NDST4: variants seen among roughly 807,000 people sequenced by gnomAD.
The protein encoded by NDST4 is N-deacetylase and N-sulfotransferase 4.
NDST4 carries 63 observed loss-of-function variants against 100.8 expected under a neutral mutation model. The ratio of observed to expected loss-of-function variants is 0.62; its 90% CI spans 0.51 to 0.77. The LOEUF (loss-of-function observed/expected upper bound fraction) is 0.77. NDST4 is among the 30% of genes least tolerant of loss of function. NDST4 has a pLI of 0.00. For missense variants in NDST4, 943 were observed against 1,018.4 expected (o/e 0.93, Z 1.01); for synonymous variants, 377 against 361.8 (o/e 1.04, Z -0.48).
rs1346628721 is a variant in NDST4, at chr4:115,077,026, A to G, written c.11T>C (p.Ile4Thr). The change falls in exon 2 of 14, where the codon ATT (isoleucine) becomes ACT (threonine). Residue 4 changes from isoleucine (I) to threonine (T), a missense_variant. Around this residue, in one of 2 missense-constraint regions of NDST4, gnomAD observed 417 missense variants for 384.2 expected, o/e 1.09. Coordinates refer to ENST00000264363, the MANE Select transcript of NDST4 (RefSeq NM_022569.3). The part of the protein sequence containing the change: MNL[I>T]VKLRRSFRTL... ...TCGAAAACTTCTCCGAAGTTTCACAATAAGATTCATTTTTTAGAATAATGT... is the reference window on the plus strand; with the variant it reads ...TCGAAAACTTCTCCGAAGTTTCACAGTAAGATTCATTTTTTAGAATAATGT... 4 of 1,594,596 alleles carry G rather than the reference A, an allele frequency of 2.5e-6. No homozygotes were observed. Among genetic ancestry groups the G allele is most frequent in the South Asian group, 1.1e-5 (1 of 87,730 alleles).
intron 1 of NDST4, among the ~76,000 whole-genome samples, chr4:115,077,980 C>T (rs1339214324): frequency 6.6e-6 from 1 of 152,104 alleles, no homozygotes; most frequent in African/African-American, 2.4e-5. Context: ...CCTAATTTTG[C>T]CTACTCTTGT....
intron 4 of NDST4, among the ~76,000 whole-genome samples, chr4:114,940,478 T>C (rs956607668): frequency 1.3e-5 from 2 of 152,206 alleles, no homozygotes; most frequent in African/African-American, 2.4e-5. Context: ...ATGGTTCCCT[T>C]GGGTTTGCTA....
chr4:114,954,981 G>A (rs1277536150), intron 4 of NDST4, among the ~76,000 whole-genome samples: 5 of 152,076 alleles, frequency 3.3e-5, no homozygotes, highest in Non-Finnish European at 7.3e-5. Context: ...AGCTTCCTGG[G>A]ACCTCTCCAG....
intron 2 of NDST4, among the ~76,000 whole-genome samples, chr4:115,001,654 T>C (rs1400684491): frequency 6.6e-6 from 1 of 151,954 alleles, no homozygotes; most frequent in Non-Finnish European, 1.5e-5. Flanking sequence ...TATATTATAA[T>C]GTAATTTAGA....
At chr4:114,850,457 C>T (rs1177265924) in intron 8 of NDST4, among the ~76,000 whole-genome samples, 1 of 152,058 alleles carries the variant, frequency 6.6e-6, no homozygotes, top group African/African-American at 2.4e-5. Flanking sequence ...ATGTAATCAG[C>T]CATAAAATCT....
chr4:114,858,456 G>A (rs1000997952), intron 7 of NDST4, among the ~76,000 whole-genome samples: 4 of 152,108 alleles, frequency 2.6e-5, no homozygotes, highest in African/African-American at 9.7e-5. Flanking sequence ...GAAAGTCACT[G>A]GTCCTATTAA....
In NDST4 at chr4:115,067,073, G is replaced by T. The variant is rs566998829; in HGVS notation, c.978+8986C>A. On this transcript the variant is annotated intron_variant, in intron 2 of 13. Transcript: ENST00000264363. ...ATATCTTGGATAAATGCTCATTCCCGCAAGCCCGGGCCATTGCCCAGGTCT... is the reference window on the plus strand; with the variant it reads ...ATATCTTGGATAAATGCTCATTCCCTCAAGCCCGGGCCATTGCCCAGGTCT... 9.2e-5 allele frequency among the ~76,000 whole-genome samples: 14 copies of T among 152,072 alleles called. 1 individual carries two copies. In the East Asian group the frequency reaches 2.7e-3, roughly 29 times the overall value.
chr4:115,049,086 G>C (rs1728526435), intron 2 of NDST4, among the ~76,000 whole-genome samples: 1 of 152,126 alleles, frequency 6.6e-6, no homozygotes, highest in Admixed American at 6.6e-5. Flanking sequence ...AATTATTTTT[G>C]TTGAAAGCAG....
At chr4:115,019,569 G>C (rs1224893709) in intron 2 of NDST4, among the ~76,000 whole-genome samples, 1 of 152,106 alleles carries the variant, frequency 6.6e-6, no homozygotes, top group African/African-American at 2.4e-5. Context: ...TAGCCTCCTG[G>C]AGAATGTCAT....
intron 2 of NDST4, among the ~76,000 whole-genome samples, chr4:114,994,210 G>T (rs1727111100): frequency 6.6e-6 from 1 of 151,884 alleles, no homozygotes; most frequent in African/African-American, 2.4e-5. Context: ...GTAATTTTCT[G>T]CTGAACAAAC....
chr4:114,927,542 C>G (rs1036671132), intron 6 of NDST4, among the ~76,000 whole-genome samples: 3 of 151,002 alleles, frequency 2.0e-5, no homozygotes, highest in Non-Finnish European at 4.4e-5. Flanking sequence ...TAAATTTCAC[C>G]CTGTTAGATT....
chr4:114,919,461 C>T lies in NDST4; in HGVS notation c.1536+15745G>A, dbSNP rs1725243811. Reference sequence around the variant, plus strand: ...GCAGAAGAAATCAGGTTTCCAAATTCCTGGAAGCAACTTATTTCAAGAAAT... The same window carrying T: ...GCAGAAGAAATCAGGTTTCCAAATTTCTGGAAGCAACTTATTTCAAGAAAT... On this transcript the variant is annotated intron_variant, in intron 6 of 13. Transcript: ENST00000264363. Among the ~76,000 whole-genome samples the T allele has an allele frequency of 2.0e-5, 3 of 152,070 alleles. No homozygotes were observed. In the South Asian group the frequency reaches 6.2e-4, roughly 31 times the overall value.
chr4:114,959,861 A>G (rs1726222100), intron 4 of NDST4, among the ~76,000 whole-genome samples: 1 of 152,216 alleles, frequency 6.6e-6, no homozygotes, highest in Admixed American at 6.5e-5. Flanking sequence ...AAAAAGAAAC[A>G]CAAAGGGTAT....
chr4:114,863,450 T>C (rs2126193833), intron 7 of NDST4, among the ~76,000 whole-genome samples: 1 of 152,354 alleles, frequency 6.6e-6, no homozygotes, highest in East Asian at 1.9e-4. Context: ...GGGTAAAGGA[T>C]CTTCCCTCCA....
intron 13 of NDST4, among the ~76,000 whole-genome samples, chr4:114,828,255 A>G (rs1230988116): frequency 6.6e-6 from 1 of 152,156 alleles, no homozygotes; most frequent in Non-Finnish European, 1.5e-5. Context: ...TAAATGAGAT[A>G]GGGACTGCAT....
At chr4:115,109,361 G>C (rs1489186311) in intron 1 of NDST4, among the ~76,000 whole-genome samples, 1 of 151,908 alleles carries the variant, frequency 6.6e-6, no homozygotes, top group East Asian at 1.9e-4. Flanking sequence ...AAGTTCAATT[G>C]ATGGTGGAAT....
At chr4:115,033,157 A>ATTTTTTT (rs1192796806) in intron 2 of NDST4, among the ~76,000 whole-genome samples, 3 of 59,948 alleles carry the variant, frequency 5.0e-5, no homozygotes, top group African/African-American at 1.7e-4. Flanking sequence ...ATATATATAT[A>ATTTTTTT]TTTTTTTTTT....
At chr4:115,022,772 C>G (rs188567777) in intron 2 of NDST4, among the ~76,000 whole-genome samples, 1 of 151,984 alleles carries the variant, frequency 6.6e-6, no homozygotes, top group Non-Finnish European at 1.5e-5. Context: ...GTCTCATGAT[C>G]GTGAATGAGT....
rs56053034 is a variant in NDST4 at position 114,937,441 on chromosome 4, C to T, written c.1284G>A (p.Pro428=). ...AVAPHHSGVY[P]VHIQLYAAWK... ...AAGCTGCATACAGCTGAATGTGAAC[C>T]GGGTAGACCCCTGAGTGATGTGGGG... The change falls in exon 5 of 14, where the codon CCG becomes CCA. Residue 428 remains proline, a synonymous_variant. Transcript: ENST00000264363. 45,426 of 1,612,264 alleles carry T rather than the reference C, an allele frequency of 0.028. 836 individuals are homozygous for T. Among genetic ancestry groups the T allele is most frequent in the Non-Finnish European group, 0.035 (40,844 of 1,179,052 alleles).
Sources: gnomAD v4.1 joint callset for allele counts (sites outside exome capture counted in the v4.1 genomes callset) on GRCh38, gnomAD v4.1.1 for gene constraint, gnomAD v4.1.1 regional missense constraint, MANE v1.5 for transcripts, NCBI Gene and HGNC (gene_info 2026-07-23, HGNC 2026-07-21) for gene names.